CNTNAP2: variants seen among roughly 807,000 people sequenced by gnomAD.
The protein encoded by CNTNAP2 is contactin-associated protein-like 2.
CNTNAP2 carries 98 observed loss-of-function variants against 155.2 expected under a neutral mutation model. That is an observed-to-expected ratio of 0.63 (90% confidence interval 0.54 to 0.75). The LOEUF is 0.75. Among genes scored for constraint, CNTNAP2 ranks in the 30% least tolerant of loss-of-function variants. The pLI is 0.00. For missense variants in CNTNAP2, 1,727 were observed against 1,688.1 expected, an observed-to-expected ratio of 1.02 and a Z score of -0.40; for synonymous variants, 651 against 631.2, an observed-to-expected ratio of 1.03 and a Z score of -0.47.
intron 1 of CNTNAP2, among the ~76,000 whole-genome samples, chr7:146,365,559 GACAC>G (rs1232323916): frequency 6.6e-6 from 1 of 152,108 alleles, no homozygotes; most frequent in Admixed American, 6.5e-5. Flanking sequence ...AACATTCACA[GACAC>G]ACACACAGAC....
intron 2 of CNTNAP2, among the ~76,000 whole-genome samples, chr7:146,780,001 A>G (rs1274974677): frequency 6.6e-6 from 1 of 152,210 alleles, no homozygotes; most frequent in Non-Finnish European, 1.5e-5. Flanking sequence ...ACTTTATACT[A>G]GAATGATTTA....
At chr7:148,223,433 G>C (rs536477049) in intron 19 of CNTNAP2, among the ~76,000 whole-genome samples, 1 of 152,164 alleles carries the variant, frequency 6.6e-6, no homozygotes, top group East Asian at 1.9e-4. Flanking sequence ...GACCAGGAGA[G>C]AATAAATCTG....
intron 1 of CNTNAP2, among the ~76,000 whole-genome samples, chr7:146,544,860 G>A (rs1001599878): frequency 6.6e-6 from 1 of 151,906 alleles, no homozygotes; most frequent in African/African-American, 2.4e-5. Context: ...GACAGTATAG[G>A]AATCATCACA....
intron 3 of CNTNAP2, among the ~76,000 whole-genome samples, chr7:146,847,287 T>C (rs866537475): frequency 1.3e-5 from 2 of 152,310 alleles, no homozygotes; most frequent in South Asian, 2.1e-4. Flanking sequence ...ATGCTTCTTA[T>C]GTGCCTGGAG....
chr7:146,679,665 C>A (rs1158776707), intron 1 of CNTNAP2, among the ~76,000 whole-genome samples: 2 of 151,926 alleles, frequency 1.3e-5, no homozygotes, highest in African/African-American at 2.4e-5. Flanking sequence ...GATCTTGTTT[C>A]TTTCTCTCCC....
At chr7:147,204,670 G>T (rs1802984003) in intron 8 of CNTNAP2, among the ~76,000 whole-genome samples, 1 of 151,994 alleles carries the variant, frequency 6.6e-6, no homozygotes, top group Non-Finnish European at 1.5e-5. Flanking sequence ...TATAGGTAAT[G>T]TAATGTATCA....
chr7:146,563,823 G>A (rs752267723), intron 1 of CNTNAP2, among the ~76,000 whole-genome samples: 2 of 152,106 alleles, frequency 1.3e-5, no homozygotes, highest in Non-Finnish European at 2.9e-5. Context: ...TTTATAAGCT[G>A]TGGATGACTT....
intron 8 of CNTNAP2, among the ~76,000 whole-genome samples, chr7:147,145,271 A>T (rs931273171): frequency 7.2e-5 from 11 of 152,136 alleles, no homozygotes; most frequent in African/African-American, 2.4e-4. Context: ...GTTCTCAGCT[A>T]GGAGTGATTT....
chr7:146,593,429 G>A (rs1479453261), intron 1 of CNTNAP2, among the ~76,000 whole-genome samples: 1 of 152,042 alleles, frequency 6.6e-6, no homozygotes, highest in African/African-American at 2.4e-5. Context: ...ACGTATAAAT[G>A]TAAAAACATG....
intron 1 of CNTNAP2, among the ~76,000 whole-genome samples, chr7:146,565,669 AACATCCCTTCGAAATGTAGG>A (rs1197562055): frequency 6.6e-6 from 1 of 152,242 alleles, no homozygotes; most frequent in Non-Finnish European, 1.5e-5. Context: ...TGCTACAAAA[AACATCCCTTCGAAATGTAGG>A]CATACACAAT....
intron 15 of CNTNAP2, among the ~76,000 whole-genome samples, chr7:148,092,238 A>G (rs1460815292): frequency 2.0e-5 from 3 of 152,222 alleles, no homozygotes; most frequent in African/African-American, 7.2e-5. Flanking sequence ...CAACAAAAGC[A>G]GAATGTTACA....
At chr7:146,780,017 C>A (rs1468046074) in intron 2 of CNTNAP2, among the ~76,000 whole-genome samples, 1 of 152,106 alleles carries the variant, frequency 6.6e-6, no homozygotes, top group Non-Finnish European at 1.5e-5. Flanking sequence ...ATTTATAATC[C>A]TTTGGGTGTG....
intron 2 of CNTNAP2, among the ~76,000 whole-genome samples, chr7:146,807,251 C>T (rs1201661810): frequency 6.6e-6 from 1 of 152,068 alleles, no homozygotes; most frequent in Non-Finnish European, 1.5e-5. Flanking sequence ...TACAGTTTAA[C>T]TGTATATTCT....
At chr7:147,964,647 T>C (rs1204031086) in intron 14 of CNTNAP2, among the ~76,000 whole-genome samples, 2 of 152,206 alleles carry the variant, frequency 1.3e-5, no homozygotes, top group Non-Finnish European at 2.9e-5. Context: ...CATAGCCCAA[T>C]AGGTGTAGGC....
At chr7:146,760,439 T>G (rs1585077590) in intron 1 of CNTNAP2, among the ~76,000 whole-genome samples, 1 of 118,950 alleles carries the variant, frequency 8.4e-6, no homozygotes, top group East Asian at 2.1e-4. Flanking sequence ...TTTTTTTTTT[T>G]TTTGAGACAG....
intron 11 of CNTNAP2, among the ~76,000 whole-genome samples, chr7:147,534,034 T>C (rs1347886882): frequency 6.6e-6 from 1 of 152,248 alleles, no homozygotes; most frequent in Non-Finnish European, 1.5e-5. Flanking sequence ...TTTAACTTTC[T>C]GGCTTTTAGA....
chr7:147,551,869 C>A (rs1220755647), intron 11 of CNTNAP2, among the ~76,000 whole-genome samples: 1 of 152,160 alleles, frequency 6.6e-6, no homozygotes, highest in African/African-American at 2.4e-5. Context: ...TTCATTACTA[C>A]ATCAATACTT....
rs760455242 is a variant in CNTNAP2 at position 148,177,920 on chromosome 7, G to C, written c.3010+5442G>C. ...GTTTTTTTTTTTTTGCTACATCTAG[G>C]TGTAAGGTTTATTCATTTATTGACT... On this transcript the variant is annotated intron_variant, in intron 18 of 23. Transcript: ENST00000361727. Among the ~76,000 whole-genome samples the C allele has an allele frequency of 2.7e-5, 4 of 148,796 alleles. No homozygotes were observed. The South Asian group carries it at 8.5e-4, about 32-fold the overall frequency.
chr7:147,741,176 A>G (rs1796949988), intron 13 of CNTNAP2, among the ~76,000 whole-genome samples: 1 of 152,230 alleles, frequency 6.6e-6, no homozygotes, highest in African/African-American at 2.4e-5. Flanking sequence ...TTGGGTCATT[A>G]CAGCACTGGC....
Sources: allele counts gnomAD v4.1 joint callset (sites outside exome capture counted in the v4.1 genomes callset), GRCh38; gene constraint gnomAD v4.1.1; transcripts MANE v1.5; gene names NCBI Gene and HGNC (gene_info 2026-07-23, HGNC 2026-07-21).